The following ACOX2 variants were observed in gnomAD, a reference collection of about 807,000 sequenced individuals.
The protein encoded by ACOX2 is peroxisomal acyl-coenzyme A oxidase 2.
Under a neutral mutation model 77.5 loss-of-function variants are expected in ACOX2, and 59 were observed. That is an observed-to-expected ratio of 0.76 (90% confidence interval 0.62 to 0.95). The LOEUF is 0.95. ACOX2 is among the 40% of genes least tolerant of loss of function. The pLI is 0.00. For synonymous variants in ACOX2, 317 were observed against 340.1 expected, an observed-to-expected ratio of 0.93 and a Z score of 0.75; for missense variants, 837 against 880.4, an observed-to-expected ratio of 0.95 and a Z score of 0.62.
intron 12 of ACOX2, among the ~76,000 whole-genome samples, chr3:58,520,543 A>G (rs773999852): frequency 1.7e-4 from 26 of 152,232 alleles, no homozygotes; most frequent in Non-Finnish European, 3.7e-4. Flanking sequence ...CAGAGCTGGG[A>G]CCAGAATTTA....
At position 58,524,721 on chromosome 3, in the gene ACOX2, GC is replaced by G; in HGVS notation, c.1347-117del. 1 of 1,198,222 alleles carries G rather than the reference GC, an allele frequency of 8.3e-7. No homozygotes were observed. Among genetic ancestry groups the G allele is most frequent in the Non-Finnish European group, 1.2e-6 (1 of 865,888 alleles). The allele number at this position is 1,198,222 out of a possible 1,614,324, so 74.2% of individuals were successfully genotyped here. On this transcript the variant is annotated intron_variant, in intron 10 of 14. Coordinates refer to ENST00000302819, the MANE Select transcript of ACOX2 (RefSeq NM_003500.4). The surrounding 1 kb of genome is among the most constrained non-coding windows in gnomAD (Gnocchi z 5.5). ...TAGGTTCCAGCCTTCCCGTGGGAGA[GC>G]CAGGTCACCAGGCCTCTGCCTGGCC...
rs898374549 is a variant in ACOX2, at chr3:58,515,197, T to A, written c.1850+2009A>T. ...CATCACACCCAGCTAATTTTTGTAT[T>A]TTTAGTAGAGACCGGGTTTCACCAT... On this transcript the variant is annotated intron_variant, in intron 13 of 14. Coordinates refer to ENST00000302819, the MANE Select transcript of ACOX2 (RefSeq NM_003500.4). This position sits in a 1 kb window ranked among gnomAD's most constrained non-coding sequence, Gnocchi z 4.0. Among the ~76,000 whole-genome samples, 7 of 152,170 alleles carry A rather than the reference T, an allele frequency of 4.6e-5. No homozygotes were observed. Among genetic ancestry groups the A allele is most frequent in the African/African-American group, 1.4e-4 (6 of 41,438 alleles).
Position 58,526,434 on chromosome 3 carries a change from T to C in ACOX2, c.1346+32A>G, listed in dbSNP as rs1219127206. On this transcript the variant is annotated intron_variant, in intron 10 of 14. Coordinates refer to ENST00000302819, the MANE Select transcript of ACOX2 (RefSeq NM_003500.4). The surrounding 1 kb of genome is among the most constrained non-coding windows in gnomAD (Gnocchi z 4.3). ...GAAGCTTGGTGGGTCCCCAAGGGCT[T>C]GGGCAAAGGCCTGGGTCAGCCTGGA... 1 of 1,582,540 alleles carries C rather than the reference T, an allele frequency of 6.3e-7. No individual in the cohort carries two copies. The highest frequency in any genetic ancestry group is 1.8e-5 in the Admixed American group (1 of 56,992).
In ACOX2 at chr3:58,525,300, T is replaced by A. The variant is rs1005624282; in HGVS notation, c.1347-695A>T. On this transcript the variant is annotated intron_variant, in intron 10 of 14. Coordinates refer to ENST00000302819, the MANE Select transcript of ACOX2 (RefSeq NM_003500.4). The surrounding 1 kb of genome is among the most constrained non-coding windows in gnomAD (Gnocchi z 5.0). The stretch of plus-strand genomic sequence containing the variant: ...AAAACCAAGGGATGTTATATATTTT[T>A]AAAAATATAATAAATGTTGTTTTTC... 2.0e-5 allele frequency among the ~76,000 whole-genome samples: 3 copies of A among 152,230 alleles called. No individual in the cohort carries two copies. Among genetic ancestry groups the A allele is most frequent in the African/African-American group, 7.2e-5 (3 of 41,464 alleles).
chr3:58,524,090 A>C lies in ACOX2; in HGVS notation c.1526+336T>G, dbSNP rs531571010. ...TATTGCTTTATTTATTGGTATTTGCATATCAATACATTTGGAGTATTTACA... is the reference window on the plus strand; with the variant it reads ...TATTGCTTTATTTATTGGTATTTGCCTATCAATACATTTGGAGTATTTACA... On this transcript the variant is annotated intron_variant, in intron 11 of 14. Transcript: ENST00000302819. The surrounding 1 kb of genome is among the most constrained non-coding windows in gnomAD (Gnocchi z 5.5). 6.6e-6 allele frequency among the ~76,000 whole-genome samples: 1 copy of C among 152,254 alleles called. No homozygotes were observed. The highest frequency in any genetic ancestry group is 2.4e-5 in the African/African-American group (1 of 41,466).
In ACOX2 at chr3:58,534,408, C is replaced by G; in HGVS notation, c.275G>C (p.Arg92Pro). 1 of 1,614,156 alleles carries G rather than the reference C, an allele frequency of 6.2e-7. No homozygotes were observed. The highest frequency in any genetic ancestry group is 8.5e-7 in the Non-Finnish European group (1 of 1,180,036). ...RRAFHIRLIA[R>P]RLGWLEDGRE... is the part of the protein sequence containing the mutation. ...ACCATCTTCTAACCAACCCAGGCGC[C>G]GAGCTATCAACCGGATGTGGAATGC... The change falls in exon 3 of 15, where the codon CGG (arginine) becomes CCG (proline). Residue 92 changes from arginine to proline, a missense_variant. Coordinates refer to ENST00000302819, the MANE Select transcript of ACOX2 (RefSeq NM_003500.4). This position sits in a 1 kb window ranked among gnomAD's most constrained non-coding sequence, Gnocchi z 4.8.
Position 58,525,910 on chromosome 3 carries a change from C to T in ACOX2, c.1346+556G>A, listed in dbSNP as rs1030737080. Among the ~76,000 whole-genome samples, 2 of 151,788 alleles carry T rather than the reference C, an allele frequency of 1.3e-5. No homozygotes were observed. Among genetic ancestry groups the T allele is most frequent in the Non-Finnish European group, 2.9e-5 (2 of 67,980 alleles). On this transcript the variant is annotated intron_variant, in intron 10 of 14. Transcript: ENST00000302819. The surrounding 1 kb of genome is among the most constrained non-coding windows in gnomAD (Gnocchi z 5.0). ...TGGTGGTGTGTAATCCCAGCTACTG[C>T]GGAGGCTAAGGCAGGAGAATTGCTT...
rs566487783 is a variant in ACOX2, at chr3:58,508,749, T to C, written c.1983+144A>G. Reference sequence around the variant, plus strand: ...GCCACTCCTTGTTTCTTTTATGTGTTCTCTAAGAATATTTTAAACAGACGT... The same window carrying C: ...GCCACTCCTTGTTTCTTTTATGTGTCCTCTAAGAATATTTTAAACAGACGT... On this transcript the variant is annotated intron_variant, in intron 14 of 14. Transcript: ENST00000302819. The C allele has an allele frequency of 1.8e-5, 20 of 1,111,276 alleles. No individual in the cohort carries two copies. In the African/African-American group the frequency reaches 3.2e-4, roughly 18 times the overall value. 68.8% of individuals were successfully genotyped at this position (1,111,276 alleles called of 1,614,324 possible).
rs150778355 is a variant in ACOX2, at chr3:58,534,024, C to G, written c.445G>C (p.Ala149Pro). The G allele has an allele frequency of 6.2e-7, 1 of 1,614,144 alleles. No homozygotes were observed. The highest frequency in any genetic ancestry group is 8.5e-7 in the Non-Finnish European group (1 of 1,180,034). Residue 149 changes from alanine to proline, a missense_variant, in exon 4 of 15, where the codon GCA (alanine) becomes CCA (proline). Physicochemically the swap from Ala to Pro is conservative, Grantham distance 27 (BLOSUM62 -1). Transcript: ENST00000302819. The surrounding 1 kb of genome is among the most constrained non-coding windows in gnomAD (Gnocchi z 4.8). ...DPLCKNIQII[A>P]TYAQTELGHG... ...CCCAACTCTGTCTGTGCATACGTTGCGATGATCTGGATGTTTTTGCAGAGT... is the reference window on the plus strand; with the variant it reads ...CCCAACTCTGTCTGTGCATACGTTGGGATGATCTGGATGTTTTTGCAGAGT...
At position 58,535,299 on chromosome 3, in the gene ACOX2, C is replaced by T. The variant is rs916945754; in HGVS notation, c.-91-102G>A. On this transcript the variant is annotated intron_variant, in intron 1 of 14. Coordinates refer to ENST00000302819, the MANE Select transcript of ACOX2 (RefSeq NM_003500.4). The surrounding 1 kb of genome is among the most constrained non-coding windows in gnomAD (Gnocchi z 4.8). ...TGAATGCCACTCCACCTCCCCACTC[C>T]CCCTGTGGACACTGGCTGTGGACCA... 4 of 634,278 alleles carry T rather than the reference C, an allele frequency of 6.3e-6. No homozygotes were observed. The highest frequency in any genetic ancestry group is 1.1e-5 in the Non-Finnish European group (4 of 362,524). 39.3% of individuals were successfully genotyped at this position (634,278 alleles called of 1,614,324 possible).
intron 9 of ACOX2, among the ~76,000 whole-genome samples, chr3:58,527,373 T>G (rs1412648719): frequency 2.0e-5 from 3 of 151,746 alleles, no homozygotes; most frequent in Non-Finnish European, 4.4e-5. Context: ...CCGTCTCTAC[T>G]AAAAATACAA....
At position 58,519,944 on chromosome 3, in the gene ACOX2, A is replaced by G. The variant is rs1043844443; in HGVS notation, c.1633-2521T>C. Among the ~76,000 whole-genome samples, 1 of 152,168 alleles carries G rather than the reference A, an allele frequency of 6.6e-6. No individual in the cohort carries two copies. Among genetic ancestry groups the G allele is most frequent in the African/African-American group, 2.4e-5 (1 of 41,454 alleles). On this transcript the variant is annotated intron_variant, in intron 12 of 14. Transcript: ENST00000302819. The surrounding 1 kb of genome is among the most constrained non-coding windows in gnomAD (Gnocchi z 5.0). ...ACATCCTCAAATGCTCAAGGCTCTG[A>G]GTTGAGGAGTGGAGTGATGGAGAGC...
rs753068889 is a variant in ACOX2, at chr3:58,508,919, C to T, written c.1957G>A (p.Ala653Thr). The change falls in exon 14 of 15, where the codon GCT becomes ACT. Residue 653 changes from alanine (A) to threonine (T), a missense_variant. Ala to Thr is a moderately conservative substitution (Grantham distance 58, BLOSUM62 0). Transcript: ENST00000302819. ...TGAGTATTGGTTGGTGACTTCTGAG[C>T]CCACTGGAACAGGCGTTCGTAGACG... Reference protein sequence around the residue: ...GNVYERLFQWAQKSPTNTQEN... With the variant: ...GNVYERLFQWTQKSPTNTQEN... The T allele has an allele frequency of 5.6e-6, 9 of 1,614,072 alleles. No homozygotes were observed. Among genetic ancestry groups the T allele is most frequent in the Non-Finnish European group, 7.6e-6 (9 of 1,180,046 alleles).
rs186574089 is a variant in ACOX2, at chr3:58,523,700, C to T, written c.1526+726G>A. ...CTGAGCTCAAGCAATCCGCCCACCT[C>T]GACCTCCCAAAGTGCTGGAATTACT... On this transcript the variant is annotated intron_variant, in intron 11 of 14. Coordinates refer to ENST00000302819, the MANE Select transcript of ACOX2 (RefSeq NM_003500.4). This position sits in a 1 kb window ranked among gnomAD's most constrained non-coding sequence, Gnocchi z 5.3. 6.6e-6 allele frequency among the ~76,000 whole-genome samples: 1 copy of T among 152,104 alleles called. No individual in the cohort carries two copies. Among genetic ancestry groups the T allele is most frequent in the African/African-American group, 2.4e-5 (1 of 41,408 alleles).
At position 58,517,440 on chromosome 3, in the gene ACOX2, A is replaced by C. The variant is rs1345205208; in HGVS notation, c.1633-17T>G. 6.2e-7 allele frequency: 1 copy of C among 1,610,210 alleles called. No individual in the cohort carries two copies. The highest frequency in any genetic ancestry group is 1.3e-5 in the African/African-American group (1 of 74,778). On this transcript the variant is annotated splice_polypyrimidine_tract_variant and intron_variant, in intron 12 of 14. Coordinates refer to ENST00000302819, the MANE Select transcript of ACOX2 (RefSeq NM_003500.4). ...GCAGTGCACCTACAAAGACACAAAG[A>C]TATGTTCTCCTGATTTCTGGTTTTC...
intron 14 of ACOX2, among the ~76,000 whole-genome samples, chr3:58,508,412 G>C (rs2063249771): frequency 6.6e-6 from 1 of 152,154 alleles, no homozygotes; most frequent in African/African-American, 2.4e-5. Context: ...GAAGAGGAGA[G>C]GGTATCATCT....
rs1560216573 is a variant in ACOX2, at chr3:58,524,674, C to T, written c.1347-69G>A. The stretch of plus-strand genomic sequence containing the variant: ...TGAGACAGCCCAGCACCCCTCACTC[C>T]CAGAGACAGGCAAGCTCATGCTAGG... On this transcript the variant is annotated intron_variant, in intron 10 of 14. Coordinates refer to ENST00000302819, the MANE Select transcript of ACOX2 (RefSeq NM_003500.4). This position sits in a 1 kb window ranked among gnomAD's most constrained non-coding sequence, Gnocchi z 5.5. The T allele has an allele frequency of 6.7e-7, 1 of 1,499,080 alleles. No homozygotes were observed. Among genetic ancestry groups the T allele is most frequent in the South Asian group, 1.2e-5 (1 of 82,728 alleles). 92.9% of individuals were successfully genotyped at this position (1,499,080 alleles called of 1,614,324 possible). A position where few individuals can be genotyped will look rare whatever the true frequency, so the allele number is the denominator to read the frequency against.
intron 13 of ACOX2, among the ~76,000 whole-genome samples, chr3:58,510,216 C>A (rs1020266138): frequency 6.6e-6 from 1 of 152,036 alleles, no homozygotes; most frequent in Admixed American, 6.5e-5. Context: ...CCAATGTAAT[C>A]GTTTCTTGAT....
intron 12 of ACOX2, among the ~76,000 whole-genome samples, chr3:58,520,830 A>G (rs926990105): frequency 2.6e-5 from 4 of 151,930 alleles, no homozygotes; most frequent in African/African-American, 7.3e-5. Flanking sequence ...ATCCCCCCAG[A>G]ATTTGTTGCT....
Sources: gnomAD v4.1 joint callset for allele counts (sites outside exome capture counted in the v4.1 genomes callset) on GRCh38, gnomAD v4.1.1 for gene constraint, Gnocchi (gnomAD v3.1) non-coding constraint, MANE v1.5 for transcripts, NCBI Gene and HGNC (gene_info 2026-07-23, HGNC 2026-07-21) for gene names.